The following CROCC variants were observed in gnomAD, a reference collection of about 807,000 sequenced individuals.
The protein encoded by CROCC is ciliary rootlet coiled-coil, rootletin, also known as rootletin.
Under a neutral mutation model 245.2 loss-of-function variants are expected in CROCC, and 180 were observed. The observed-to-expected ratio is 0.73, with a 90% confidence interval of 0.65 to 0.83. CROCC has a LOEUF of 0.83. Among genes scored for constraint, CROCC ranks in the 40% least tolerant of loss-of-function variants. The pLI, the probability that CROCC is intolerant of heterozygous loss-of-function variation, is 0.00. For missense variants in CROCC, 2,688 were observed against 2,779.4 expected (o/e 0.97, Z 0.74); for synonymous variants, 1,205 against 1,241.6 (o/e 0.97, Z 0.62).
intron 3 of CROCC, among the ~76,000 whole-genome samples, chr1:16,927,724 G>A (rs1195911767): frequency 6.6e-6 from 1 of 152,284 alleles, no homozygotes; most frequent in Non-Finnish European, 1.5e-5. Context: ...GGCTGCCTCA[G>A]GCCACCGCCA....
At chr1:16,923,785 A>G (rs2075465583) in intron 2 of CROCC, among the ~76,000 whole-genome samples, 1 of 145,064 alleles carries the variant, frequency 6.9e-6, no homozygotes, top group Non-Finnish European at 1.5e-5. Flanking sequence ...GGTTCAAGTG[A>G]TTCTGCTGTC....
In CROCC at chr1:16,954,356, G is replaced by A. The variant is rs761081353; in HGVS notation, c.3320G>A (p.Arg1107Gln). 1.1e-5 allele frequency: 17 copies of A among 1,609,660 alleles called. 1 individual carries two copies. Among genetic ancestry groups the A allele is most frequent in the South Asian group, 6.6e-5 (6 of 90,826 alleles). ...RDAQSRQEQD[R>Q]STVNALTSEL... ...GCCCAGAGCCGGCAGGAGCAGGACC[G>A]GGTAGGGCAGGCTGGGCAGCTGGGC... The change falls in exon 22 of 37, where the codon CGG becomes CAG. Residue 1107 changes from arginine (R) to glutamine (Q), a missense_variant and splice_region_variant. Around this residue, in one of 9 missense-constraint regions of CROCC, gnomAD observed 32 missense variants for 54.1 expected, o/e 0.59. Coordinates refer to ENST00000375541, the MANE Select transcript of CROCC (RefSeq NM_014675.5). The surrounding 1 kb of genome is among the most constrained non-coding windows in gnomAD (Gnocchi z 4.4).
At position 16,944,227 on chromosome 1, in the gene CROCC, G is replaced by T; in HGVS notation, c.1936G>T (p.Glu646Ter). 1 of 1,554,738 alleles carries T rather than the reference G, an allele frequency of 6.4e-7. No homozygotes were observed. Among genetic ancestry groups the T allele is most frequent in the Non-Finnish European group, 8.7e-7 (1 of 1,149,366 alleles). ...GCGCCAGCGGGACCGGCTGGAGGAA[G>T]AGCAGGAGGACGCAGTGCAGGATGG... ...LRRQRDRLEE[E>*]QEDAVQDGAR... Residue 646 changes from glutamate (E) to a stop codon, truncating the protein, a stop_gained, in exon 14 of 37, where the codon GAG becomes TAG. Coordinates refer to ENST00000375541, the MANE Select transcript of CROCC (RefSeq NM_014675.5). LOFTEE classifies it high-confidence loss of function.
intron 9 of CROCC, among the ~76,000 whole-genome samples, chr1:16,937,225 T>A (rs1229333428): frequency 6.6e-6 from 1 of 152,236 alleles, no homozygotes; most frequent in Non-Finnish European, 1.5e-5. Flanking sequence ...TGGTGGCGCG[T>A]GCCTGTAATC....
intron 10 of CROCC, among the ~76,000 whole-genome samples, chr1:16,937,978 G>A (rs1269138049): frequency 1.3e-5 from 2 of 152,276 alleles, no homozygotes; most frequent in Non-Finnish European, 2.9e-5. Context: ...GCCCAAGAGG[G>A]GTAATGCTTG....
Position 16,936,232 on chromosome 1 carries a change from T to C in CROCC, c.957-405T>C, listed in dbSNP as rs568015505. Among the ~76,000 whole-genome samples the C allele has an allele frequency of 3.1e-4, 47 of 152,358 alleles. No individual in the cohort carries two copies. The South Asian group carries it at 9.5e-3, about 31-fold the overall frequency. The stretch of plus-strand genomic sequence containing the variant: ...TCCCGCATAGCTGGGACTGCAGGTG[T>C]ATGCCACCGCACCCAGCCTAGTATA... On this transcript the variant is annotated intron_variant, in intron 8 of 36. Transcript: ENST00000375541.
At chr1:16,935,533 G>C (rs2075769484) in intron 8 of CROCC, among the ~76,000 whole-genome samples, 1 of 152,240 alleles carries the variant, frequency 6.6e-6, no homozygotes, top group South Asian at 2.1e-4. Context: ...CCATTCTCCT[G>C]CCTCAGCCTC....
At chr1:16,937,223 C>T (rs554002784) in intron 9 of CROCC, among the ~76,000 whole-genome samples, 759 of 152,196 alleles carry the variant, frequency 5.0e-3, no homozygotes, top group Non-Finnish European at 7.5e-3. Flanking sequence ...CGTGGTGGCG[C>T]GTGCCTGTAA....
intron 8 of CROCC, among the ~76,000 whole-genome samples, chr1:16,931,904 A>G (rs2075685386): frequency 6.6e-6 from 1 of 151,868 alleles, no homozygotes; most frequent in Non-Finnish European, 1.5e-5. Flanking sequence ...TAACAGGCAC[A>G]TGCCGCCACA....
chr1:16,971,799 C>G, intron 36 of CROCC, 152 bp downstream of exon 36: 1 of 761,462 alleles, frequency 1.3e-6, no homozygotes, highest in Non-Finnish European at 2.0e-6. Context: ...TCAGCCAAGA[C>G]CAGACCGGGG....
At chr1:16,955,930 G>A (rs2143808) in intron 24 of CROCC, 67 bp from the exon 25 acceptor site, 202,292 of 1,534,424 alleles carry the variant, frequency 0.13, 14,431 homozygotes, top group South Asian at 0.21. Flanking sequence ...TGGAGGAGAC[G>A]GCTTTTGTGT....
chr1:16,964,550 A>G (rs2076389113), intron 27 of CROCC, among the ~76,000 whole-genome samples: 1 of 151,606 alleles, frequency 6.6e-6, no homozygotes, highest in South Asian at 2.1e-4. Context: ...CACCACACCT[A>G]ATTTTTGTAT....
Position 16,958,644 on chromosome 1 carries a change from G to A in CROCC, c.3926G>A (p.Arg1309His), listed in dbSNP as rs769720459. Residue 1309 changes from arginine to histidine, a missense_variant, in exon 26 of 37, where the codon CGC becomes CAC. This residue lies in a region of CROCC where 1,218 missense variants were observed against 1,286.3 expected (regional missense o/e 0.95). Coordinates refer to ENST00000375541, the MANE Select transcript of CROCC (RefSeq NM_014675.5). ...LGRELAELQG[R>H]LALGERAEKE... ...CGGGAGCTGGCGGAGCTGCAGGGCC[G>A]CCTGGCGCTGGGCGAGCGGGCAGAG... 59 of 1,555,742 alleles carry A rather than the reference G, an allele frequency of 3.8e-5. No homozygotes were observed. Among genetic ancestry groups the A allele is most frequent in the African/African-American group, 1.1e-4 (8 of 73,532 alleles).
At position 16,924,259 on chromosome 1, in the gene CROCC, C is replaced by T. The variant is rs112646712; in HGVS notation, c.197-66C>T. The T allele has an allele frequency of 2.9e-3, 4,641 of 1,574,252 alleles. No individual in the cohort carries two copies. In the African/African-American group the frequency reaches 0.054, roughly 18 times the overall value. ...GGGGCCTGGATGGTTTTCTTGCCCT[C>T]CCTGTTGGGGGGAGGATGTCCCACT... On this transcript the variant is annotated intron_variant, in intron 2 of 36. Transcript: ENST00000375541.
intron 8 of CROCC, among the ~76,000 whole-genome samples, chr1:16,931,739 G>A (rs1175610473): frequency 6.6e-6 from 1 of 152,218 alleles, no homozygotes; most frequent in African/African-American, 2.4e-5. Context: ...ATAAGTGGCT[G>A]AGTCAGAGTT....
chr1:16,965,572 C>G, intron 27 of CROCC, 151 bp from the exon 28 acceptor site: 1 of 671,690 alleles, frequency 1.5e-6, no homozygotes, highest in Non-Finnish European at 2.6e-6. Context: ...GAGAGGGTTT[C>G]AGCTGGGATG....
At position 16,936,622 on chromosome 1, in the gene CROCC, T is replaced by C. The variant is rs750829430; in HGVS notation, c.957-15T>C. The C allele has an allele frequency of 1.9e-6, 3 of 1,570,066 alleles. No homozygotes were observed. The South Asian group carries it at 3.6e-5, about 19-fold the overall frequency. On this transcript the variant is annotated splice_polypyrimidine_tract_variant and intron_variant, in intron 8 of 36. Transcript: ENST00000375541. ...GCAAGCCCCATCCATCCCCAGCCTG[T>C]GCTCTCTCCCGAAGGGACCTGCTGC...
intron 3 of CROCC, among the ~76,000 whole-genome samples, chr1:16,928,050 C>G (rs1433589851): frequency 6.6e-6 from 1 of 152,302 alleles, no homozygotes; most frequent in African/African-American, 2.4e-5. Context: ...TACCGCTAAC[C>G]TGGCCTGGAC....
chr1:16,951,720 G>A (rs2076162418), intron 20 of CROCC, among the ~76,000 whole-genome samples: 1 of 152,338 alleles, frequency 6.6e-6, no homozygotes, highest in Non-Finnish European at 1.5e-5. Flanking sequence ...CTCCAGAGTG[G>A]CCCTCGGGAC....
Sources: gnomAD v4.1 joint callset for allele counts (sites outside exome capture counted in the v4.1 genomes callset) on GRCh38, gnomAD v4.1.1 for gene constraint, gnomAD v4.1.1 regional missense constraint, Gnocchi (gnomAD v3.1) non-coding constraint, MANE v1.5 for transcripts, NCBI Gene and HGNC (gene_info 2026-07-23, HGNC 2026-07-21) for gene names.